The following TBC1D4 variants were observed in gnomAD, a reference collection of about 807,000 sequenced individuals.
TBC1D4 encodes the protein TBC1 domain family member 4.
A neutral mutation model predicts 142.5 loss-of-function variants in TBC1D4; 121 were observed. The observed-to-expected ratio is 0.85, with a 90% CI of 0.73 to 0.99. TBC1D4 has a LOEUF of 0.99. TBC1D4 is among the 50% of genes least tolerant of loss of function. The pLI, the probability that TBC1D4 is intolerant of heterozygous loss-of-function variation, is 0.00. For synonymous variants in TBC1D4, 630 were observed against 628.2 expected (o/e 1.00, Z -0.04); for missense variants, 1,475 against 1,606.6 (o/e 0.92, Z 1.40).
chr13:75,315,429 T>TTTATATATATACAC (rs1878230612), intron 12 of TBC1D4, among the ~76,000 whole-genome samples: 1 of 146,262 alleles, frequency 6.8e-6, no homozygotes, highest in African/African-American at 2.5e-5. Flanking sequence ...CACACACATA[T>TTTATATATATACAC]ATATATATAT....
At chr13:75,472,949 T>G (rs1888477394) in intron 1 of TBC1D4, among the ~76,000 whole-genome samples, 1 of 151,998 alleles carries the variant, frequency 6.6e-6, no homozygotes, top group South Asian at 2.1e-4. Flanking sequence ...AAGAGATGAG[T>G]TGAAAAAGCT....
chr13:75,409,866 T>A (rs1885534509), intron 1 of TBC1D4, among the ~76,000 whole-genome samples: 1 of 152,340 alleles, frequency 6.6e-6, no homozygotes, highest in Admixed American at 6.5e-5. Flanking sequence ...ATACTAGTGT[T>A]AATTTATACT....
At chr13:75,432,742 A>G (rs1886642120) in intron 1 of TBC1D4, among the ~76,000 whole-genome samples, 1 of 152,190 alleles carries the variant, frequency 6.6e-6, no homozygotes, top group Admixed American at 6.5e-5. Context: ...GATAGGTATT[A>G]TCATCTTCAT....
chr13:75,299,309 C>T (rs763211495), intron 17 of TBC1D4, 21 bp downstream of exon 17: 24 of 1,613,424 alleles, frequency 1.5e-5, no homozygotes, highest in African/African-American at 9.3e-5. Context: ...ACACCTTCCT[C>T]GGGAAGCACA....
chr13:75,292,063 G>C, intron 19 of TBC1D4, 39 bp downstream of exon 19: 1 of 1,542,002 alleles, frequency 6.5e-7, no homozygotes, highest in East Asian at 2.3e-5. Flanking sequence ...ATTCAGTAGA[G>C]AAAACTGCTA....
At chr13:75,472,671 G>A (rs1186336109) in intron 1 of TBC1D4, among the ~76,000 whole-genome samples, 2 of 151,996 alleles carry the variant, frequency 1.3e-5, no homozygotes, top group Non-Finnish European at 2.9e-5. Context: ...TGACTAGAAA[G>A]AAATCCAATC....
intron 9 of TBC1D4, 52 bp from the exon 10 acceptor site, chr13:75,326,475 A>C (rs748642975): frequency 1.9e-6 from 3 of 1,576,370 alleles, no homozygotes. Flanking sequence ...GTCATGGCAG[A>C]CCTGCCAAAA....
rs140674739 is a variant in TBC1D4, at chr13:75,300,981, G to A, written c.2911+1262C>T. Among the ~76,000 whole-genome samples, 130 of 152,104 alleles carry A rather than the reference G, an allele frequency of 8.5e-4. 1 individual carries two copies. The South Asian group carries it at 0.012, about 14-fold the overall frequency. ...TCTGTAAAATCCCCTTTTTAATTCC[G>A]CTGGGCTCAAAAAAATAATTAACTG... On this transcript the variant is annotated intron_variant, in intron 16 of 20. Transcript: ENST00000377636.
chr13:75,452,928 T>G (rs1022912), intron 1 of TBC1D4, among the ~76,000 whole-genome samples: 5 of 152,042 alleles, frequency 3.3e-5, no homozygotes, highest in African/African-American at 1.2e-4. Context: ...GGATAGCGTC[T>G]CGAGGGCCTA....
At chr13:75,304,644 T>C (rs920430371) in intron 15 of TBC1D4, among the ~76,000 whole-genome samples, 28 of 151,862 alleles carry the variant, frequency 1.8e-4, no homozygotes, top group African/African-American at 6.8e-4. Context: ...TGAGGGATAA[T>C]AGGATGCTCT....
At chr13:75,384,030 C>T (rs1884020478) in intron 1 of TBC1D4, among the ~76,000 whole-genome samples, 1 of 151,952 alleles carries the variant, frequency 6.6e-6, no homozygotes, top group African/African-American at 2.4e-5. Context: ...TGTTAAATGA[C>T]GAGTTAATGA....
chr13:75,481,519 G>C lies in TBC1D4; in HGVS notation c.249C>G (p.Ile83Met), dbSNP rs768828190. The change falls in exon 1 of 21, where the codon ATC becomes ATG. Residue 83 changes from isoleucine to methionine, a missense_variant. This residue lies in a region of TBC1D4 where 1,227 missense variants were observed against 1,267.7 expected (regional missense o/e 0.97). Coordinates refer to ENST00000377636, the MANE Select transcript of TBC1D4 (RefSeq NM_014832.5). ...GCAGGAAGGGCGCGCTGAGCACCAG[G>C]ATCACCTCTCGGGCCGCCGGCGCCC... ...GCGAPAAREV[I>M]LVLSAPFLRC... 2.1e-5 allele frequency: 34 copies of C among 1,610,750 alleles called. No individual in the cohort carries two copies. The South Asian group carries it at 3.6e-4, about 17-fold the overall frequency.
Position 75,306,355 on chromosome 13 carries a change from T to C in TBC1D4, c.2710A>G (p.Ile904Val), listed in dbSNP as rs772857668. 1.6e-5 allele frequency: 26 copies of C among 1,612,832 alleles called. No homozygotes were observed. The South Asian group carries it at 2.2e-4, about 14-fold the overall frequency. The change falls in exon 15 of 21, where the codon ATC becomes GTC. Residue 904 changes from isoleucine to valine, a missense_variant. Physicochemically the swap from Ile to Val is conservative, Grantham distance 29 (BLOSUM62 3). Around this residue, in one of 2 missense-constraint regions of TBC1D4, gnomAD observed 1,227 missense variants for 1,267.7 expected, o/e 0.97. Coordinates refer to ENST00000377636, the MANE Select transcript of TBC1D4 (RefSeq NM_014832.5). ...TGAATATCTTCCATATCACATCTGA[T>C]TTTAGCTCTGCAGTTTAACAACTTC... ...DKKLLNCRAK[I>V]RCDMEDIHTL...
chr13:75,358,126 G>C (rs912994864), intron 3 of TBC1D4, among the ~76,000 whole-genome samples: 4 of 151,966 alleles, frequency 2.6e-5, no homozygotes, highest in Non-Finnish European at 5.9e-5. Flanking sequence ...GAACTGCTTC[G>C]GTTCAGACAT....
chr13:75,329,232 G>A (rs8002811), intron 8 of TBC1D4, among the ~76,000 whole-genome samples: 3 of 151,832 alleles, frequency 2.0e-5, no homozygotes, highest in African/African-American at 7.3e-5. Flanking sequence ...GCAGCTGAGC[G>A]ACATATTTTA....
Position 75,362,402 on chromosome 13 carries a change from T to G in TBC1D4, c.704A>C (p.Gln235Pro). Residue 235 changes from glutamine to proline, a missense_variant, in exon 2 of 21, where the codon CAG (glutamine) becomes CCG (proline). Coordinates refer to ENST00000377636, the MANE Select transcript of TBC1D4 (RefSeq NM_014832.5). The surrounding 1 kb of genome is among the most constrained non-coding windows in gnomAD (Gnocchi z 4.2). ...CMEKFSLHEQQRLKIQGEQRG... is the reference protein window; with the variant it reads ...CMEKFSLHEQPRLKIQGEQRG... ...CTGCTCCCCTTGGATCTTCAGGCGCTGCTGTTCGTGCAGGCTGAACTTCTC... is the reference window on the plus strand; with the variant it reads ...CTGCTCCCCTTGGATCTTCAGGCGCGGCTGTTCGTGCAGGCTGAACTTCTC... 5.6e-6 allele frequency: 9 copies of G among 1,614,232 alleles called. No individual in the cohort carries two copies. The highest frequency in any genetic ancestry group is 7.6e-6 in the Non-Finnish European group (9 of 1,180,040).
Position 75,302,331 on chromosome 13 carries a change from C to T in TBC1D4, c.2823G>A (p.Leu941=). Residue 941 remains leucine, a synonymous_variant, in exon 16 of 21, where the codon TTG becomes TTA. Coordinates refer to ENST00000377636, the MANE Select transcript of TBC1D4 (RefSeq NM_014832.5). The stretch of plus-strand genomic sequence containing the variant: ...TGTCAGGAGGCTGTTGTTTATTAGG[C>T]AATCTGTGTCTGAGTCGGTACTGTA... ...LALQYRLRHR[L]PNKQQPPDIS... The T allele has an allele frequency of 6.2e-7, 1 of 1,614,152 alleles. No homozygotes were observed. Among genetic ancestry groups the T allele is most frequent in the Non-Finnish European group, 8.5e-7 (1 of 1,180,018 alleles).
Position 75,424,220 on chromosome 13 carries a change from C to T in TBC1D4, c.498+57050G>A, listed in dbSNP as rs564216170. On this transcript the variant is annotated intron_variant, in intron 1 of 20. Coordinates refer to ENST00000377636, the MANE Select transcript of TBC1D4 (RefSeq NM_014832.5). ...CCCAGGTGTTTGAGGTTGCAGTGAG[C>T]TATGATCATGCCACTGCATTCCTGC... 2.7e-5 allele frequency among the ~76,000 whole-genome samples: 4 copies of T among 147,890 alleles called. No homozygotes were observed. The South Asian group carries it at 8.4e-4, about 31-fold the overall frequency.
chr13:75,430,628 G>A (rs977315551), intron 1 of TBC1D4, among the ~76,000 whole-genome samples: 4 of 152,190 alleles, frequency 2.6e-5, no homozygotes, highest in African/African-American at 7.2e-5. Flanking sequence ...GGCTCATCGG[G>A]GGACAGATGG....
Sources: gnomAD v4.1 joint callset for allele counts (sites outside exome capture counted in the v4.1 genomes callset) on GRCh38, gnomAD v4.1.1 for gene constraint, gnomAD v4.1.1 regional missense constraint, Gnocchi (gnomAD v3.1) non-coding constraint, MANE v1.5 for transcripts, NCBI Gene and HGNC (gene_info 2026-07-23, HGNC 2026-07-21) for gene names.